LMNB1: variants seen among roughly 807,000 people sequenced by gnomAD.
LMNB1 encodes the protein lamin B1.
In LMNB1, 23 loss-of-function variants were observed where a neutral mutation model predicts 67.1. The ratio of observed to expected loss-of-function variants is 0.34; its 90% CI spans 0.25 to 0.49. The LOEUF (loss-of-function observed/expected upper bound fraction) is 0.49, where lower values mean the gene tolerates loss of function less well. Ranked by LOEUF, LMNB1 falls within the 20% of genes least tolerant of loss-of-function variation. LMNB1 has a pLI of 0.99. For missense variants in LMNB1, 634 were observed against 746.5 expected, an observed-to-expected ratio of 0.85 and a Z score of 1.76; for synonymous variants, 281 against 282.9, an observed-to-expected ratio of 0.99 and a Z score of 0.07.
chr5:126,787,530 A>AAGTGTGTGTGGGGG (rs1750829442), intron 1 of LMNB1, among the ~76,000 whole-genome samples: 1 of 94,526 alleles, frequency 1.1e-5, no homozygotes, highest in Non-Finnish European at 2.1e-5. Flanking sequence ...GGGGGTATAT[A>AAGTGTGTGTGGGGG]TATATATATA....
rs371177009 is a variant in LMNB1, at chr5:126,818,963, G to T, written c.981G>T (p.Leu327Phe). ...AAAGGATTCAAGAATTAGAGGACTT[G>T]CTTGCTAAAGAAAAAGACAACTCTC... ...CLERIQELEDLLAKEKDNSRR... is the reference protein window; with the variant it reads ...CLERIQELEDFLAKEKDNSRR... Residue 327 changes from leucine to phenylalanine, a missense_variant, in exon 6 of 11, where the codon TTG (leucine) becomes TTT (phenylalanine). By Grantham distance (22) the Leu-to-Phe change is conservative. Coordinates refer to ENST00000261366, the MANE Select transcript of LMNB1 (RefSeq NM_005573.4). The T allele has an allele frequency of 6.2e-7, 1 of 1,614,150 alleles. No homozygotes were observed. The highest frequency in any genetic ancestry group is 1.3e-5 in the African/African-American group (1 of 75,050).
intron 8 of LMNB1, among the ~76,000 whole-genome samples, chr5:126,824,500 C>T (rs1293834198): frequency 1.3e-5 from 2 of 151,822 alleles, no homozygotes; most frequent in Non-Finnish European, 2.9e-5. Flanking sequence ...CATTTTGCTG[C>T]GGTATTGAAT....
upstream of LMNB1, chr5:126,777,115 G>A (rs922473084): frequency 1.3e-5 from 2 of 156,646 alleles, no homozygotes; most frequent in Non-Finnish European, 2.8e-5. Flanking sequence ...GCCCCTCCCG[G>A]CCCTCCTCCC....
intron 10 of LMNB1, 100 bp from the exon 11 acceptor site, chr5:126,836,123 A>T: frequency 1.2e-6 from 1 of 813,198 alleles, no homozygotes; most frequent in Non-Finnish European, 2.1e-6. Context: ...AGGTTAGGTA[A>T]TATGGTTTGG....
At chr5:126,834,267 G>A (rs552823638) in intron 10 of LMNB1, among the ~76,000 whole-genome samples, 9 of 151,738 alleles carry the variant, frequency 5.9e-5, no homozygotes, top group East Asian at 3.9e-4. Context: ...GCGCAGTGGC[G>A]CAATCTCAGC....
At chr5:126,810,034 A>G (rs191441728) in intron 3 of LMNB1, 146 bp from the exon 4 acceptor site, 38 of 587,764 alleles carry the variant, frequency 6.5e-5, no homozygotes, top group African/African-American at 6.4e-4. Context: ...ACTAAGAGGC[A>G]AAAAAGTGTT....
At position 126,794,367 on chromosome 5, in the gene LMNB1, G is replaced by A. The variant is rs147512661; in HGVS notation, c.360-10409G>A. Among the ~76,000 whole-genome samples the A allele has an allele frequency of 3.7e-3, 558 of 152,338 alleles. 2 individuals carry two copies. Among genetic ancestry groups the A allele is most frequent in the Non-Finnish European group, 6.3e-3 (429 of 68,034 alleles). ...ACAGTGTTGAAGCTGATGAGTGGCT[G>A]TTGGAGCAAATGCATGCTTGATAAG... On this transcript the variant is annotated intron_variant, in intron 1 of 10. Transcript: ENST00000261366.
At chr5:126,792,810 A>G (rs1750995719) in intron 1 of LMNB1, among the ~76,000 whole-genome samples, 1 of 152,038 alleles carries the variant, frequency 6.6e-6, no homozygotes, top group Non-Finnish European at 1.5e-5. Context: ...TCCCGACCTC[A>G]GGTGATCCAC....
intron 6 of LMNB1, 47 bp downstream of exon 6, chr5:126,819,189 C>G (rs1358949915): frequency 1.5e-6 from 2 of 1,312,080 alleles, no homozygotes; most frequent in Admixed American, 2.2e-5. Context: ...CTTTTTGCCT[C>G]TCACCCTTTT....
chr5:126,787,877 C>G (rs2112929191), intron 1 of LMNB1, among the ~76,000 whole-genome samples: 1 of 151,778 alleles, frequency 6.6e-6, no homozygotes, highest in Non-Finnish European at 1.5e-5. Flanking sequence ...ATATTTAATA[C>G]ATGGGGTGGG....
chr5:126,795,684 T>C (rs1751069995), intron 1 of LMNB1, among the ~76,000 whole-genome samples: 1 of 152,236 alleles, frequency 6.6e-6, no homozygotes, highest in Non-Finnish European at 1.5e-5. Context: ...AGTGCAATGG[T>C]GCAATCTTGG....
chr5:126,778,231 T>G (rs1217785487), intron 1 of LMNB1, among the ~76,000 whole-genome samples: 1 of 151,590 alleles, frequency 6.6e-6, no homozygotes, highest in Non-Finnish European at 1.5e-5. Context: ...TGCGGGGAGC[T>G]GGAGCGCGAG....
chr5:126,817,654 T>C (rs1284562767), intron 5 of LMNB1, among the ~76,000 whole-genome samples: 1 of 152,224 alleles, frequency 6.6e-6, no homozygotes, highest in Admixed American at 6.5e-5. Flanking sequence ...TTTACTTATC[T>C]GTTCAGCCCC....
intron 1 of LMNB1, among the ~76,000 whole-genome samples, chr5:126,790,954 G>C (rs1750938888): frequency 6.6e-6 from 1 of 151,990 alleles, no homozygotes; most frequent in South Asian, 2.1e-4. Context: ...CCGGGAGGTG[G>C]AGGTTGCAAT....
chr5:126,817,427 C>G (rs1185366321), intron 5 of LMNB1, among the ~76,000 whole-genome samples: 2 of 152,178 alleles, frequency 1.3e-5, no homozygotes, highest in Admixed American at 6.5e-5. Context: ...TCTTGGCCCT[C>G]TCACCGATAA....
Position 126,820,925 on chromosome 5 carries a change from A to G in LMNB1, c.1176A>G (p.Pro392=). 1 of 1,613,736 alleles carries G rather than the reference A, an allele frequency of 6.2e-7. No individual in the cohort carries two copies. Among genetic ancestry groups the G allele is most frequent in the South Asian group, 1.1e-5 (1 of 91,068 alleles). Residue 392 remains proline (P), a synonymous_variant, in exon 7 of 11, where the codon CCA becomes CCG. Transcript: ENST00000261366. ...EGEEERLKLS[P]SPSSRVTVSR... is the part of the protein sequence containing the mutation. ...TCCCATATAGGTTGAAGCTGTCTCC[A>G]AGCCCTTCTTCCCGTGTGACAGTAT... is the stretch of plus-strand genomic sequence containing the variant.
At chr5:126,800,973 A>AAT (rs1561742498) in intron 1 of LMNB1, among the ~76,000 whole-genome samples, 1 of 60,812 alleles carries the variant, frequency 1.6e-5, no homozygotes, top group African/African-American at 5.9e-5. Context: ...ATATATATAT[A>AAT]TATATATAAT....
chr5:126,819,096 A>G lies in LMNB1; in HGVS notation c.1114A>G (p.Met372Val), dbSNP rs1751798372. ...TCTTGATGTAAAGTTAGCCCTGGAC[A>G]TGGAAATCAGTGCTTACAGGAAACT... is the stretch of plus-strand genomic sequence containing the variant. ...QLLDVKLALD[M>V]EISAYRKLLE... The change falls in exon 6 of 11, where the codon ATG (methionine) becomes GTG (valine). Residue 372 changes from methionine to valine, a missense_variant. Coordinates refer to ENST00000261366, the MANE Select transcript of LMNB1 (RefSeq NM_005573.4). The G allele has an allele frequency of 1.2e-6, 2 of 1,614,164 alleles. No homozygotes were observed. Among genetic ancestry groups the G allele is most frequent in the Non-Finnish European group, 1.7e-6 (2 of 1,180,012 alleles).
intron 1 of LMNB1, among the ~76,000 whole-genome samples, chr5:126,782,013 A>T (rs1750644916): frequency 6.6e-6 from 1 of 152,218 alleles, no homozygotes; most frequent in Non-Finnish European, 1.5e-5. Flanking sequence ...TCCAAGACTG[A>T]TTATATTTTG....
Sources: allele counts gnomAD v4.1 joint callset (sites outside exome capture counted in the v4.1 genomes callset), GRCh38; gene constraint gnomAD v4.1.1; transcripts MANE v1.5; gene names NCBI Gene and HGNC (gene_info 2026-07-23, HGNC 2026-07-21).